The following RYR2 variants were observed in gnomAD, a reference collection of about 807,000 sequenced individuals.
RYR2 encodes the protein cardiac muscle ryanodine receptor-calcium release channel.
In RYR2, 227 loss-of-function variants were observed where a neutral mutation model predicts 601.1. The ratio of observed to expected loss-of-function variants is 0.38; its 90% confidence interval spans 0.34 to 0.42. RYR2 has a LOEUF of 0.42. RYR2 is among the 10% of genes least tolerant of loss of function. The pLI is 1.00. For missense variants in RYR2, 4,646 were observed against 6,156.5 expected, an observed-to-expected ratio of 0.75 and a Z score of 8.21; for synonymous variants, 2,223 against 2,175.1, an observed-to-expected ratio of 1.02 and a Z score of -0.61.
At chr1:237,069,498 C>T (rs1388563973) in intron 1 of RYR2, among the ~76,000 whole-genome samples, 1 of 151,850 alleles carries the variant, frequency 6.6e-6, no homozygotes, top group Non-Finnish European at 1.5e-5. Flanking sequence ...TGCCTGTCAT[C>T]CAGATGACTG....
intron 10 of RYR2, among the ~76,000 whole-genome samples, chr1:237,416,759 C>CAGAGAGAGAGAG (rs5781955): frequency 2.4e-4 from 34 of 139,018 alleles, no homozygotes; most frequent in African/African-American, 9.5e-4. Context: ...AACACACACA[C>CAGAGAGAGAGAG]ACACAGAGAG....
chr1:237,654,747 G>T (rs985300563), intron 52 of RYR2, among the ~76,000 whole-genome samples: 3 of 152,138 alleles, frequency 2.0e-5, no homozygotes, highest in East Asian at 1.9e-4. Context: ...AAAGGCCAAA[G>T]AAATTATATC....
chr1:237,620,618 T>A (rs537900840), intron 38 of RYR2, among the ~76,000 whole-genome samples: 1 of 152,186 alleles, frequency 6.6e-6, no homozygotes, highest in East Asian at 1.9e-4. Context: ...GAATATGTAT[T>A]ATTAAAATAT....
At chr1:237,597,082 G>T (rs902719913) in intron 34 of RYR2, among the ~76,000 whole-genome samples, 2 of 152,174 alleles carry the variant, frequency 1.3e-5, no homozygotes, top group African/African-American at 4.8e-5. Context: ...ATTCGTAGAA[G>T]TAAATTTTAA....
intron 1 of RYR2, among the ~76,000 whole-genome samples, chr1:237,179,347 C>T (rs2490353): frequency 0.39 from 59,680 of 151,980 alleles, 14,217 homozygotes; most frequent in Non-Finnish European, 0.52. Flanking sequence ...ATATTTCTTA[C>T]AGGCAAACTT....
chr1:237,212,929 G>A (rs990195883), intron 1 of RYR2, among the ~76,000 whole-genome samples: 7 of 151,542 alleles, frequency 4.6e-5, no homozygotes, highest in South Asian at 4.2e-4. Flanking sequence ...CCACCACCAC[G>A]CCTGGCTAAT....
intron 1 of RYR2, among the ~76,000 whole-genome samples, chr1:237,124,847 A>G (rs1174011092): frequency 6.6e-6 from 1 of 152,120 alleles, no homozygotes; most frequent in African/African-American, 2.4e-5. Context: ...CCCCCTGGCA[A>G]GCCAATTCTA....
chr1:237,610,849 C>T lies in RYR2; in HGVS notation c.4771C>T (p.Leu1591=). The T allele has an allele frequency of 6.2e-7, 1 of 1,613,370 alleles. No individual in the cohort carries two copies. Among genetic ancestry groups the T allele is most frequent in the Non-Finnish European group, 8.5e-7 (1 of 1,179,686 alleles). Residue 1591 remains leucine, a synonymous_variant, in exon 36 of 105, where the codon CTG becomes TTG. Transcript: ENST00000366574. The surrounding 1 kb of genome is among the most constrained non-coding windows in gnomAD (Gnocchi z 4.9). ...QCPPRLHVQF[L]SHVLWSRMPN... ...CCCCCCGCGCCTCCACGTGCAGTTC[C>T]TGTCACACGTCCTGTGGAGCAGAAT...
At position 237,784,762 on chromosome 1, in the gene RYR2, G is replaced by A; in HGVS notation, c.13050G>A (p.Glu4350=). Residue 4350 remains glutamate, a synonymous_variant, in exon 90 of 105, where the codon GAG becomes GAA. Transcript: ENST00000366574. The surrounding 1 kb of genome is among the most constrained non-coding windows in gnomAD (Gnocchi z 7.1). ...DEVRGDGEEG[E]RKPLEAALPS... ...TTAGAGGAGATGGGGAGGAGGGAGA[G>A]AGGAAACCCCTGGAAGCCGCCCTGC... 1 of 1,603,512 alleles carries A rather than the reference G, an allele frequency of 6.2e-7. No homozygotes were observed. The highest frequency in any genetic ancestry group is 1.1e-5 in the South Asian group (1 of 89,864).
chr1:237,244,690 CCTTTCTCTTT>C (rs968229038), intron 1 of RYR2, among the ~76,000 whole-genome samples: 27 of 152,238 alleles, frequency 1.8e-4, no homozygotes, highest in East Asian at 5.8e-4. Context: ...GAGCTCTTTT[CCTTTCTCTTT>C]CTTTCTCTTT....
At chr1:237,717,803 T>A (rs1689386479) in intron 72 of RYR2, among the ~76,000 whole-genome samples, 1 of 152,200 alleles carries the variant, frequency 6.6e-6, no homozygotes, top group South Asian at 2.1e-4. Flanking sequence ...TAAGTTCCTC[T>A]GCAAGATTTA....
Position 237,351,941 on chromosome 1 carries a change from T to C in RYR2, c.274-4024T>C, listed in dbSNP as rs1056351549. ...AAATCCTCCACAAAATATTAAAATA[T>C]TGGGAAATCCATCCCATTGACATAT... On this transcript the variant is annotated intron_variant, in intron 3 of 104. Transcript: ENST00000366574. Among the ~76,000 whole-genome samples, 16 of 151,064 alleles carry C rather than the reference T, an allele frequency of 1.1e-4. No homozygotes were observed. In the East Asian group the frequency reaches 3.1e-3, roughly 29 times the overall value.
chr1:237,189,018 G>C (rs1361182602), intron 1 of RYR2, among the ~76,000 whole-genome samples: 4 of 152,056 alleles, frequency 2.6e-5, no homozygotes, highest in Non-Finnish European at 4.4e-5. Context: ...CTGAAATTCT[G>C]TACCCATTTA....
chr1:237,705,265 G>C lies in RYR2; in HGVS notation c.9502G>C (p.Val3168Leu), dbSNP rs1473666484. The C allele has an allele frequency of 6.2e-7, 1 of 1,606,554 alleles. No homozygotes were observed. Among genetic ancestry groups the C allele is most frequent in the Admixed American group, 1.7e-5 (1 of 59,124 alleles). ...CLAAFAGAFP[V>L]AFLETHLDKH... Reference sequence around the variant, plus strand: ...AGCTGCCTTTGCTGGTGCTTTTCCTGTAGCATTTTTGGAAACTCATCTGGA... The same window carrying C: ...AGCTGCCTTTGCTGGTGCTTTTCCTCTAGCATTTTTGGAAACTCATCTGGA... The change falls in exon 67 of 105, where the codon GTA becomes CTA. Residue 3168 changes from valine (V) to leucine (L), a missense_variant. Val to Leu is a conservative substitution (Grantham distance 32). Transcript: ENST00000366574.
chr1:237,165,876 C>T lies in RYR2; in HGVS notation c.49-104621C>T, dbSNP rs1028961323. The stretch of plus-strand genomic sequence containing the variant: ...AATTAGCCAGGCCTGGTGGCTCATG[C>T]CTGTAGCCTGTTGTCAGGCAAGGGT... On this transcript the variant is annotated intron_variant, in intron 1 of 104. Coordinates refer to ENST00000366574, the MANE Select transcript of RYR2 (RefSeq NM_001035.3). Among the ~76,000 whole-genome samples, 5 of 152,056 alleles carry T rather than the reference C, an allele frequency of 3.3e-5. No individual in the cohort carries two copies. In the South Asian group the frequency reaches 1.0e-3, roughly 32 times the overall value.
At position 237,362,274 on chromosome 1, in the gene RYR2, C is replaced by T. The variant is rs145684738; in HGVS notation, c.295-2084C>T. On this transcript the variant is annotated intron_variant, in intron 4 of 104. Coordinates refer to ENST00000366574, the MANE Select transcript of RYR2 (RefSeq NM_001035.3). The stretch of plus-strand genomic sequence containing the variant: ...CTAAGACAGCACGTTGGAATCCATG[C>T]TGCGTGCCTGTCCTATAATTGCCCA... 8.6e-4 allele frequency among the ~76,000 whole-genome samples: 131 copies of T among 152,328 alleles called. 1 individual carries two copies. The East Asian group carries it at 0.022, about 25-fold the overall frequency.
At chr1:237,379,150 A>C (rs1365676859) in intron 8 of RYR2, among the ~76,000 whole-genome samples, 1 of 152,250 alleles carries the variant, frequency 6.6e-6, no homozygotes, top group African/African-American at 2.4e-5. Context: ...GAAATAATTC[A>C]TGCACACTTT....
At chr1:237,566,485 T>G in intron 27 of RYR2, 82 bp from the exon 28 acceptor site, 4 of 1,343,158 alleles carry the variant, frequency 3.0e-6, no homozygotes, top group Non-Finnish European at 4.1e-6. Context: ...TGATTTATCT[T>G]TCCTTCTTTT....
chr1:237,454,266 C>G (rs935912840), intron 14 of RYR2, 125 bp from the exon 15 acceptor site: 3 of 937,942 alleles, frequency 3.2e-6, no homozygotes, highest in Non-Finnish European at 4.6e-6. Flanking sequence ...GCAGGAGGAC[C>G]TTTCTGACAT....
Sources: allele counts gnomAD v4.1 joint callset (sites outside exome capture counted in the v4.1 genomes callset), GRCh38; gene constraint gnomAD v4.1.1; non-coding constraint Gnocchi (gnomAD v3.1); transcripts MANE v1.5; gene names NCBI Gene and HGNC (gene_info 2026-07-23, HGNC 2026-07-21).